Variants in VTI1A observed in about 807,000 individuals in gnomAD.
The protein encoded by VTI1A is vesicle transport through interaction with t-SNAREs 1A.
VTI1A carries 22 observed loss-of-function variants against 34.9 expected under a neutral mutation model. The ratio of observed to expected loss-of-function variants is 0.63; its 90% CI spans 0.45 to 0.90. The LOEUF is 0.90. Among genes scored for constraint, VTI1A ranks in the 40% least tolerant of loss-of-function variants. The pLI is 0.00. For synonymous variants in VTI1A, 87 were observed against 97.3 expected, an observed-to-expected ratio of 0.89 and a Z score of 0.62; for missense variants, 268 against 275.6, an observed-to-expected ratio of 0.97 and a Z score of 0.20.
rs184491587 is a variant in VTI1A, at chr10:112,715,492, A to G, written c.560+46494A>G. Among the ~76,000 whole-genome samples, 321 of 152,304 alleles carry G rather than the reference A, an allele frequency of 2.1e-3. 1 individual carries two copies. The Middle Eastern group carries it at 0.024, about 11-fold the overall frequency. ...GACTAGTTTATTCTGGAAGCTTCTT[A>G]GTTGGGGGATAAGACAGCTGGATGA... is the stretch of plus-strand genomic sequence containing the variant. On this transcript the variant is annotated intron_variant, in intron 7 of 7. Transcript: ENST00000393077.
chr10:112,844,431 GCT>G, the VTI1A span, among the ~76,000 whole-genome samples: 1 of 152,200 alleles, frequency 6.6e-6, no homozygotes, highest in Non-Finnish European at 1.5e-5. Context: ...ACGGAGTCTT[GCT>G]CTGTCGCCCT....
In VTI1A at chr10:112,464,646, GA is replaced by G. The variant is rs1049280612; in HGVS notation, c.256del (p.Thr86GlnfsTer47). On this transcript the variant is annotated frameshift_variant, in exon 3 of 8. Transcript: ENST00000393077. LOFTEE classifies it high-confidence loss of function. Reference sequence around the variant, plus strand: ...CTACAAACAAGAAATGGGAAAACTCGAAACAGATTTTGTGAGTCAAATTCGA... The same window carrying G: ...CTACAAACAAGAAATGGGAAAACTCGAACAGATTTTGTGAGTCAAATTCGA... ...RSYKQEMGKL[E>X]TDFKRSRIAY... 1 of 1,610,620 alleles carries G rather than the reference GA, an allele frequency of 6.2e-7. No homozygotes were observed. The highest frequency in any genetic ancestry group is 1.3e-5 in the African/African-American group (1 of 74,624).
chr10:112,656,003 A>T (rs1242073146), intron 5 of VTI1A, among the ~76,000 whole-genome samples: 1 of 152,242 alleles, frequency 6.6e-6, no homozygotes, highest in East Asian at 1.9e-4. Flanking sequence ...TAAAGCAAAT[A>T]CATGCAGAAA....
intron 3 of VTI1A, among the ~76,000 whole-genome samples, chr10:112,520,848 G>T (rs1849999632): frequency 6.6e-6 from 1 of 151,828 alleles, no homozygotes; most frequent in Non-Finnish European, 1.5e-5. Context: ...AAATGAGAGT[G>T]ATTACAATAA....
intron 7 of VTI1A, among the ~76,000 whole-genome samples, chr10:112,762,041 A>G (rs1851487395): frequency 6.6e-6 from 1 of 152,188 alleles, no homozygotes; most frequent in Non-Finnish European, 1.5e-5. Flanking sequence ...CACTGGATAC[A>G]TTACAGTTTC....
chr10:112,821,579 C>T (rs998943239), downstream of VTI1A, among the ~76,000 whole-genome samples: 24 of 152,218 alleles, frequency 1.6e-4, no homozygotes, highest in African/African-American at 4.6e-4. Context: ...GCCATAGAGG[C>T]ATCCTGGGCT....
In VTI1A at chr10:112,818,595, G is replaced by A. The variant is rs1258712762; in HGVS notation, c.*3212G>A. The A allele has an allele frequency of 4.5e-6, 1 of 221,366 alleles. No homozygotes were observed. Among genetic ancestry groups the A allele is most frequent in the Non-Finnish European group, 9.1e-6 (1 of 110,326 alleles). 13.7% of individuals were successfully genotyped at this position (221,366 alleles called of 1,614,324 possible). A position where few individuals can be genotyped will look rare whatever the true frequency, so the allele number is the denominator to read the frequency against. Reference sequence around the variant, plus strand: ...CTGACTGACAGCCGTCAGTCCCAGAGGGGCTCATTAAATCATAAAAACTTG... The same window carrying A: ...CTGACTGACAGCCGTCAGTCCCAGAAGGGCTCATTAAATCATAAAAACTTG... On this transcript the variant is annotated 3_prime_UTR_variant, in exon 8 of 8. Coordinates refer to ENST00000393077, the MANE Select transcript of VTI1A (RefSeq NM_145206.4).
intron 7 of VTI1A, among the ~76,000 whole-genome samples, chr10:112,716,148 A>G (rs1849604944): frequency 6.6e-6 from 1 of 152,168 alleles, no homozygotes; most frequent in Non-Finnish European, 1.5e-5. Flanking sequence ...GGTGAGGGAA[A>G]GGGCCATGAA....
Position 112,497,500 on chromosome 10 carries a change from G to A in VTI1A, c.265-29587G>A, listed in dbSNP as rs562349655. On this transcript the variant is annotated intron_variant, in intron 3 of 7. Coordinates refer to ENST00000393077, the MANE Select transcript of VTI1A (RefSeq NM_145206.4). ...CTGCCTCAAAGGATTATTGTGAAGAGTAAATTAACATACACACACACGTAC... is the reference window on the plus strand; with the variant it reads ...CTGCCTCAAAGGATTATTGTGAAGAATAAATTAACATACACACACACGTAC... Among the ~76,000 whole-genome samples the A allele has an allele frequency of 9.9e-4, 151 of 152,248 alleles. No homozygotes were observed. In the Middle Eastern group the frequency reaches 0.014, roughly 14 times the overall value.
At chr10:112,714,264 C>T (rs1224665051) in intron 7 of VTI1A, among the ~76,000 whole-genome samples, 2 of 152,064 alleles carry the variant, frequency 1.3e-5, no homozygotes, top group African/African-American at 4.8e-5. Flanking sequence ...TAAAACAGTC[C>T]ACTGTTTTCC....
intron 4 of VTI1A, among the ~76,000 whole-genome samples, chr10:112,531,073 A>ACACACACACACACACG (rs1850413238): frequency 6.8e-6 from 1 of 146,068 alleles, no homozygotes; most frequent in Admixed American, 6.7e-5. Context: ...TCACACACAC[A>ACACACACACACACACG]CACACACACA....
At chr10:112,544,379 A>G (rs1850992577) in intron 5 of VTI1A, among the ~76,000 whole-genome samples, 1 of 152,050 alleles carries the variant, frequency 6.6e-6, no homozygotes, top group African/African-American at 2.4e-5. Context: ...ACAGGCATCC[A>G]CCACCATGCC....
Position 112,518,412 on chromosome 10 carries a change from G to A in VTI1A, c.265-8675G>A, listed in dbSNP as rs1470522071. ...ATGGCATTTGCTGGGGGAGAGTAAT[G>A]TAGAATGAAATAACTGCCAGGTGCT... On this transcript the variant is annotated intron_variant, in intron 3 of 7. Coordinates refer to ENST00000393077, the MANE Select transcript of VTI1A (RefSeq NM_145206.4). Among the ~76,000 whole-genome samples the A allele has an allele frequency of 2.6e-5, 4 of 151,578 alleles. No homozygotes were observed. In the South Asian group the frequency reaches 8.3e-4, roughly 32 times the overall value.
At chr10:112,820,979 A>C (rs1853640456), downstream of VTI1A, among the ~76,000 whole-genome samples, 1 of 152,126 alleles carries the variant, frequency 6.6e-6, no homozygotes, top group Non-Finnish European at 1.5e-5. Flanking sequence ...GACAGGGTGC[A>C]TCTCTCCAGG....
At chr10:112,503,552 A>G (rs919739259) in intron 3 of VTI1A, among the ~76,000 whole-genome samples, 4 of 152,214 alleles carry the variant, frequency 2.6e-5, no homozygotes, top group Non-Finnish European at 5.9e-5. Context: ...GAAATCTAAA[A>G]TTAAAATTTT....
At chr10:112,609,214 G>A (rs1048445206) in intron 5 of VTI1A, among the ~76,000 whole-genome samples, 16 of 152,146 alleles carry the variant, frequency 1.1e-4, no homozygotes, top group African/African-American at 3.9e-4. Flanking sequence ...ATTAAGTGAT[G>A]AGGTGTATTT....
intron 5 of VTI1A, among the ~76,000 whole-genome samples, chr10:112,540,043 TG>T (rs1490051944): frequency 6.6e-6 from 1 of 152,188 alleles, no homozygotes; most frequent in African/African-American, 2.4e-5. Flanking sequence ...TCTTTCCACA[TG>T]GGGCTGGTTC....
intron 1 of VTI1A, among the ~76,000 whole-genome samples, chr10:112,453,374 T>G (rs993677935): frequency 6.6e-6 from 1 of 152,324 alleles, no homozygotes; most frequent in African/African-American, 2.4e-5. Context: ...AAATCATATA[T>G]GCATAGCCTA....
chr10:112,477,142 G>C (rs1224833887), intron 3 of VTI1A, among the ~76,000 whole-genome samples: 1 of 152,182 alleles, frequency 6.6e-6, no homozygotes, highest in Non-Finnish European at 1.5e-5. Context: ...TGTACAAATA[G>C]TCTCATTTTT....
Sources: allele counts gnomAD v4.1 joint callset (sites outside exome capture counted in the v4.1 genomes callset), GRCh38; gene constraint gnomAD v4.1.1; transcripts MANE v1.5; gene names NCBI Gene and HGNC (gene_info 2026-07-23, HGNC 2026-07-21).